The following NIP7 variants were observed in gnomAD, a reference collection of about 807,000 sequenced individuals.
NIP7 encodes the protein 60S ribosome subunit biogenesis protein NIP7 homolog.
In NIP7, 12 loss-of-function variants were observed where a neutral mutation model predicts 20.1. That is an observed-to-expected ratio of 0.60 (90% CI 0.38 to 0.97). The LOEUF is 0.97. NIP7 is among the 50% of genes least tolerant of loss of function. The pLI is 0.00. For synonymous variants in NIP7, 103 were observed against 87.2 expected (o/e 1.18, Z -1.01); for missense variants, 226 against 226.6 (o/e 1.00, Z 0.02).
At chr16:69,341,458 T>A in intron 4 of NIP7, 75 bp from the exon 5 acceptor site, 1 of 1,589,316 alleles carries the variant, frequency 6.3e-7, no homozygotes, top group Non-Finnish European at 8.6e-7. Context: ...TTTTTCCGTC[T>A]TTGTTATTTC....
At position 69,341,596 on chromosome 16, in the gene NIP7, G is replaced by C. The variant is rs573297829; in HGVS notation, c.487G>C (p.Val163Leu). The change falls in exon 5 of 5, where the codon GTA (valine) becomes CTA (leucine). Residue 163 changes from valine (V) to leucine (L), a missense_variant. Physicochemically the swap from Val to Leu is conservative, Grantham distance 32 (BLOSUM62 1). Transcript: ENST00000254940. ...CRKVDPMAIV[V>L]FHQADIGEYV... ...AAAAGTAGACCCCATGGCGATTGTG[G>C]TATTTCATCAAGCAGACATTGGGGA... The C allele has an allele frequency of 1.2e-6, 2 of 1,614,140 alleles. No individual in the cohort carries two copies. Among genetic ancestry groups the C allele is most frequent in the East Asian group, 4.5e-5 (2 of 44,888 alleles).
Position 69,340,199 on chromosome 16 carries a change from A to T in NIP7, c.149A>T (p.Lys50Met), listed in dbSNP as rs2012478813. 6.2e-7 allele frequency: 1 copy of T among 1,614,048 alleles called. No homozygotes were observed. Among genetic ancestry groups the T allele is most frequent in the Non-Finnish European group, 8.5e-7 (1 of 1,180,014 alleles). Residue 50 changes from lysine to methionine, a missense_variant, in exon 3 of 5, where the codon AAG becomes ATG. Transcript: ENST00000254940. ...HNDRVYYVSE[K>M]IMKLAANISG... The stretch of plus-strand genomic sequence containing the variant: ...CTCCCCCTTTACCCTTTTAGTGAGA[A>T]GATTATGAAGCTGGCCGCCAATATT...
Position 69,340,196 on chromosome 16 carries a change from A to G in NIP7, c.146A>G (p.Glu49Gly). 1 of 1,614,044 alleles carries G rather than the reference A, an allele frequency of 6.2e-7. No homozygotes were observed. The highest frequency in any genetic ancestry group is 8.5e-7 in the Non-Finnish European group (1 of 1,180,012). ...LHNDRVYYVS[E>G]KIMKLAANIS... ...TTGCTCCCCCTTTACCCTTTTAGTG[A>G]GAAGATTATGAAGCTGGCCGCCAAT... Residue 49 changes from glutamate (E) to glycine (G), a missense_variant and splice_region_variant, in exon 3 of 5, where the codon GAG becomes GGG. By Grantham distance (98) the Glu-to-Gly change is moderately conservative (BLOSUM62 -2). Coordinates refer to ENST00000254940, the MANE Select transcript of NIP7 (RefSeq NM_016101.5).
At chr16:69,340,369 G>T (rs1316196719) in intron 3 of NIP7, 37 bp downstream of exon 3, 1 of 1,601,122 alleles carries the variant, frequency 6.2e-7, no homozygotes, top group African/African-American at 1.3e-5. Context: ...CACGGGCGAT[G>T]AAGTCAAGGA....
rs528087620 is a variant in NIP7 at position 69,341,807 on chromosome 16, G to C, written c.*155G>C. Reference sequence around the variant, plus strand: ...TACTCTCTATCACTGACAAATGCAGGCTGGATTCTTATTATATACAGAGAT... The same window carrying C: ...TACTCTCTATCACTGACAAATGCAGCCTGGATTCTTATTATATACAGAGAT... On this transcript the variant is annotated 3_prime_UTR_variant, in exon 5 of 5. Coordinates refer to ENST00000254940, the MANE Select transcript of NIP7 (RefSeq NM_016101.5). 36 of 836,894 alleles carry C rather than the reference G, an allele frequency of 4.3e-5. No homozygotes were observed. The East Asian group carries it at 8.9e-4, about 21-fold the overall frequency. The allele number at this position is 836,894 out of a possible 1,614,324, so 51.8% of individuals were successfully genotyped here.
chr16:69,340,467 C>T, intron 3 of NIP7, 135 bp downstream of exon 3: 1 of 1,109,970 alleles, frequency 9.0e-7, no homozygotes, highest in Non-Finnish European at 1.3e-6. Context: ...GTGTAGAGGT[C>T]TTGCAGCTTG....
Position 69,340,088 on chromosome 16 carries a change from G to A in NIP7, c.139G>A (p.Val47Met). ...FRLHNDRVYY[V>M]SEKIMKLAAN... ...TCTGCACAACGACCGGGTGTACTAT[G>A]TGAGGTGAGGCGGGGCCGGGCAGGC... Residue 47 changes from valine (V) to methionine (M), a missense_variant, in exon 2 of 5, where the codon GTG becomes ATG. Val to Met is a conservative substitution (Grantham distance 21). Transcript: ENST00000254940. The A allele has an allele frequency of 1.2e-6, 2 of 1,614,132 alleles. No individual in the cohort carries two copies. Among genetic ancestry groups the A allele is most frequent in the South Asian group, 2.2e-5 (2 of 91,080 alleles).
Position 69,340,326 on chromosome 16 carries a change from T to C in NIP7, c.276T>C (p.Tyr92=), listed in dbSNP as rs2012486644. ...CAGCTCTGGATTACCTTGCACCTTA[T>C]GCCAAGGTTTGTGGGGCGGTTTCCA... ...HVTALDYLAP[Y]AKYKVWIKPG... is the part of the protein sequence containing the mutation. Residue 92 remains tyrosine, a synonymous_variant, in exon 3 of 5, where the codon TAT becomes TAC. Transcript: ENST00000254940. 2 of 1,611,816 alleles carry C rather than the reference T, an allele frequency of 1.2e-6. No individual in the cohort carries two copies. The highest frequency in any genetic ancestry group is 1.7e-6 in the Non-Finnish European group (2 of 1,179,904).
intron 4 of NIP7, 69 bp from the exon 5 acceptor site, chr16:69,341,464 A>G: frequency 6.3e-7 from 1 of 1,591,122 alleles, no homozygotes; most frequent in South Asian, 1.1e-5. Context: ...CGTCTTTGTT[A>G]TTTCCAGCCC....
At position 69,342,799 on chromosome 16, in the gene NIP7, T is replaced by G. The variant is rs1332549422; in HGVS notation, c.*1147T>G. 1.3e-5 allele frequency: 2 copies of G among 152,150 alleles called. No homozygotes were observed. Among genetic ancestry groups the G allele is most frequent in the East Asian group, 3.8e-4 (2 of 5,200 alleles). The allele number at this position is 152,150 out of a possible 1,614,324, so 9.4% of individuals were successfully genotyped here. A position where few individuals can be genotyped will look rare whatever the true frequency, so the allele number is the denominator to read the frequency against. On this transcript the variant is annotated 3_prime_UTR_variant, in exon 5 of 5. Coordinates refer to ENST00000254940, the MANE Select transcript of NIP7 (RefSeq NM_016101.5). Reference sequence around the variant, plus strand: ...ATGGGATGACGCTAGGCTGGAAAGTTTTTTTCATCACTATGATTTTATAAA... The same window carrying G: ...ATGGGATGACGCTAGGCTGGAAAGTGTTTTTCATCACTATGATTTTATAAA...
At chr16:69,341,471 G>T (rs1021682885) in intron 4 of NIP7, 62 bp from the exon 5 acceptor site, 3 of 1,594,880 alleles carry the variant, frequency 1.9e-6, no homozygotes, top group Non-Finnish European at 2.6e-6. Context: ...GTTATTTCCA[G>T]CCCTCAATAT....
chr16:69,341,179 G>A lies in NIP7; in HGVS notation c.283-1G>A. The A allele has an allele frequency of 6.2e-7, 1 of 1,612,934 alleles. No individual in the cohort carries two copies. ...TCTCTTGGATTTTAATTCTCTTATA[G>A]TATAAAGTTTGGATAAAGCCTGGTG... On this transcript the variant is annotated splice_acceptor_variant, in intron 3 of 4. Transcript: ENST00000254940. LOFTEE classifies it high-confidence loss of function.
At chr16:69,340,387 G>T (rs2012489502) in intron 3 of NIP7, 55 bp downstream of exon 3, 3 of 1,589,160 alleles carry the variant, frequency 1.9e-6, no homozygotes, top group East Asian at 4.5e-5. Flanking sequence ...GGATTAGGCA[G>T]ATTGTCCGGC....
Position 69,339,827 on chromosome 16 carries a change from A to G in NIP7, c.-3A>G, listed in dbSNP as rs751864391. ...GATCCGGTGTTCCAACCCAGGGGGAAAAATGCGGCCTTTGACTGAAGAGGA... is the reference window on the plus strand; with the variant it reads ...GATCCGGTGTTCCAACCCAGGGGGAGAAATGCGGCCTTTGACTGAAGAGGA... On this transcript the variant is annotated 5_prime_UTR_variant, in exon 1 of 5. Coordinates refer to ENST00000254940, the MANE Select transcript of NIP7 (RefSeq NM_016101.5). 6 of 1,612,674 alleles carry G rather than the reference A, an allele frequency of 3.7e-6. No homozygotes were observed. The African/African-American group carries it at 6.7e-5, about 18-fold the overall frequency.
At position 69,341,694 on chromosome 16, in the gene NIP7, G is replaced by A. The variant is rs189670796; in HGVS notation, c.*42G>A. 19 of 1,609,714 alleles carry A rather than the reference G, an allele frequency of 1.2e-5. No individual in the cohort carries two copies. Among genetic ancestry groups the A allele is most frequent in the East Asian group, 8.9e-5 (4 of 44,826 alleles). Reference sequence around the variant, plus strand: ...GGACAGACGGCTGTATGGAAAGGCCGAGCTTTGTTTCCTGTGTTTGTGTGG... The same window carrying A: ...GGACAGACGGCTGTATGGAAAGGCCAAGCTTTGTTTCCTGTGTTTGTGTGG... On this transcript the variant is annotated 3_prime_UTR_variant, in exon 5 of 5. Coordinates refer to ENST00000254940, the MANE Select transcript of NIP7 (RefSeq NM_016101.5).
In NIP7 at chr16:69,339,820, A is replaced by G. The variant is rs140175616; in HGVS notation, c.-10A>G. On this transcript the variant is annotated 5_prime_UTR_variant, in exon 1 of 5. Transcript: ENST00000254940. ...GCACGAGGATCCGGTGTTCCAACCC[A>G]GGGGGAAAAATGCGGCCTTTGACTG... 47,178 of 1,612,496 alleles carry G rather than the reference A, an allele frequency of 0.029. 777 individuals are homozygous for G. Among genetic ancestry groups the G allele is most frequent in the Non-Finnish European group, 0.035 (41,126 of 1,179,928 alleles).
chr16:69,340,715 C>CT (rs1298872204), intron 3 of NIP7: 1 of 219,958 alleles, frequency 4.5e-6, no homozygotes, highest in African/African-American at 2.3e-5. Context: ...TCTGTTTTTT[C>CT]TTTTCATTTC....
intron 3 of NIP7, chr16:69,340,800 C>T (rs1026185379): frequency 3.6e-5 from 8 of 224,124 alleles, no homozygotes; most frequent in African/African-American, 1.9e-4. Flanking sequence ...TCACTGCAGC[C>T]TCCACTTTCC....
In NIP7 at chr16:69,340,610, G is replaced by A. The variant is rs1030099551; in HGVS notation, c.282+278G>A. On this transcript the variant is annotated intron_variant, in intron 3 of 4. Coordinates refer to ENST00000254940, the MANE Select transcript of NIP7 (RefSeq NM_016101.5). ...ATAAGTGGCAGCAATGAAGACACCG[G>A]GGTCCAGAAAAAGAGCTGTTAACCT... 7 of 450,436 alleles carry A rather than the reference G, an allele frequency of 1.6e-5. No individual in the cohort carries two copies. The East Asian group carries it at 2.5e-4, about 16-fold the overall frequency. 27.9% of individuals were successfully genotyped at this position (450,436 alleles called of 1,614,324 possible).
Sources: allele counts gnomAD v4.1 joint callset, GRCh38; gene constraint gnomAD v4.1.1; transcripts MANE v1.5; gene names NCBI Gene and HGNC (gene_info 2026-07-23, HGNC 2026-07-21).